CLNK: variants seen among roughly 807,000 people sequenced by gnomAD.
CLNK encodes the protein cytokine-dependent hematopoietic cell linker.
CLNK carries 74 observed loss-of-function variants against 68.6 expected under a neutral mutation model. The ratio of observed to expected loss-of-function variants is 1.08; its 90% confidence interval spans 0.89 to 1.31. The LOEUF is 1.31. Among genes scored for constraint, CLNK ranks in the 50% most tolerant of loss-of-function variants. CLNK has a pLI of 0.00. For missense variants in CLNK, 553 were observed against 515.3 expected (o/e 1.07, Z -0.71); for synonymous variants, 198 against 172.2 (o/e 1.15, Z -1.17).
At chr4:10,496,167 A>G (rs1259251718) in intron 18 of CLNK, among the ~76,000 whole-genome samples, 1 of 152,268 alleles carries the variant, frequency 6.6e-6, no homozygotes, top group East Asian at 1.9e-4. Context: ...GCATTGCTGC[A>G]TCATCTGTGT....
intron 3 of CLNK, among the ~76,000 whole-genome samples, chr4:10,586,452 T>C (rs928281020): frequency 5.3e-5 from 8 of 150,950 alleles, no homozygotes; most frequent in African/African-American, 1.7e-4. Context: ...GTAACTGGGA[T>C]TACAGGCACG....
At chr4:10,673,496 G>A (rs912965515) in intron 1 of CLNK, among the ~76,000 whole-genome samples, 1 of 152,094 alleles carries the variant, frequency 6.6e-6, no homozygotes, top group Non-Finnish European at 1.5e-5. Flanking sequence ...CCATAAAAAA[G>A]GATGAGTTCA....
chr4:10,522,677 A>G (rs553556034), intron 14 of CLNK, among the ~76,000 whole-genome samples: 1 of 152,304 alleles, frequency 6.6e-6, no homozygotes, highest in East Asian at 1.9e-4. Context: ...TGGGGAATAG[A>G]CAATAAAGAA....
At chr4:10,542,092 G>T in intron 9 of CLNK, 51 bp from the exon 10 acceptor site, 1 of 1,452,442 alleles carries the variant, frequency 6.9e-7, no homozygotes. Flanking sequence ...TGTGAGCAGG[G>T]CCAATGGCTA....
At chr4:10,577,902 G>C (rs1459933313) in intron 4 of CLNK, among the ~76,000 whole-genome samples, 3 of 152,162 alleles carry the variant, frequency 2.0e-5, no homozygotes, top group Non-Finnish European at 4.4e-5. Flanking sequence ...CAGAGCAGCT[G>C]ATCAAAGGCA....
At chr4:10,686,699 A>G (rs758863539), upstream of CLNK, among the ~76,000 whole-genome samples, 4 of 151,440 alleles carry the variant, frequency 2.6e-5, no homozygotes, top group Non-Finnish European at 5.9e-5. Context: ...GGAGAAGACT[A>G]TTCAAGGGGT....
At chr4:10,670,188 T>G (rs970441617) in intron 1 of CLNK, among the ~76,000 whole-genome samples, 50 of 152,256 alleles carry the variant, frequency 3.3e-4, no homozygotes, top group Admixed American at 6.5e-5. Context: ...ATTACTTGCA[T>G]AGCAAAGCAA....
intron 4 of CLNK, among the ~76,000 whole-genome samples, chr4:10,583,510 C>A (rs1366641355): frequency 6.6e-6 from 1 of 152,182 alleles, no homozygotes; most frequent in Admixed American, 6.5e-5. Context: ...TTGTCTCAAA[C>A]TCCTGACCTT....
intron 3 of CLNK, among the ~76,000 whole-genome samples, chr4:10,585,549 C>T (rs554921372): frequency 1.3e-4 from 20 of 152,336 alleles, no homozygotes; most frequent in Non-Finnish European, 2.4e-4. Flanking sequence ...GTGGCTGCAC[C>T]GGAGTCTCAG....
At chr4:10,579,474 G>A (rs1415008892) in intron 4 of CLNK, among the ~76,000 whole-genome samples, 1 of 152,166 alleles carries the variant, frequency 6.6e-6, no homozygotes, top group Admixed American at 6.5e-5. Context: ...TTTGGTCAAT[G>A]ATGGATCACA....
chr4:10,510,269 C>T (rs976098805), intron 16 of CLNK, among the ~76,000 whole-genome samples: 8 of 152,168 alleles, frequency 5.3e-5, no homozygotes, highest in African/African-American at 7.2e-5. Flanking sequence ...CTTTCTAGCC[C>T]CCCTGAATAA....
In CLNK at chr4:10,540,583, C is replaced by T. The variant is rs749811930; in HGVS notation, c.513G>A (p.Lys171=). The change falls in exon 11 of 19, where the codon AAG becomes AAA. Residue 171 remains lysine, a synonymous_variant. Transcript: ENST00000226951. ...PPPRPLITLP[K]KYQPLPPEPE... is the part of the protein sequence containing the mutation. ...GCTCAGGGGGCAAGGGTTGGTACTT[C>T]TTCGGAAGTGTTATGAGAGGCCTGT... 80 of 1,613,682 alleles carry T rather than the reference C, an allele frequency of 5.0e-5. No individual in the cohort carries two copies. The Admixed American group carries it at 1.0e-3, about 21-fold the overall frequency.
chr4:10,655,356 G>C (rs963064460), intron 2 of CLNK, among the ~76,000 whole-genome samples: 3 of 150,708 alleles, frequency 2.0e-5, no homozygotes, highest in African/African-American at 4.9e-5. Context: ...GAGAGAGAGA[G>C]AGAGAGAGAG....
chr4:10,643,350 T>C (rs952383838), intron 2 of CLNK, among the ~76,000 whole-genome samples: 18 of 152,128 alleles, frequency 1.2e-4, no homozygotes, highest in African/African-American at 4.3e-4. Context: ...TGAACCGGGG[T>C]TGGTGTTATA....
intron 12 of CLNK, 63 bp from the exon 13 acceptor site, chr4:10,528,157 C>G (rs768911144): frequency 6.3e-6 from 5 of 793,364 alleles, no homozygotes; most frequent in Non-Finnish European, 8.7e-6. Flanking sequence ...TAATATAACA[C>G]CATGTGTGTT....
chr4:10,717,997 CAA>C, the CLNK span, among the ~76,000 whole-genome samples: 5 of 152,066 alleles, frequency 3.3e-5, no homozygotes, highest in East Asian at 3.9e-4. Context: ...GCAAAAACAG[CAA>C]AGTCTTATAG....
At chr4:10,615,631 T>C (rs1051321696) in intron 2 of CLNK, among the ~76,000 whole-genome samples, 1 of 152,202 alleles carries the variant, frequency 6.6e-6, no homozygotes, top group Admixed American at 6.5e-5. Flanking sequence ...ACCCCAGGAC[T>C]TTTGAGGGGC....
At chr4:10,508,492 G>C (rs1717411119) in intron 16 of CLNK, among the ~76,000 whole-genome samples, 1 of 152,160 alleles carries the variant, frequency 6.6e-6, no homozygotes, top group South Asian at 2.1e-4. Flanking sequence ...GCTGAGCTAT[G>C]ATTCGGATCC....
intron 1 of CLNK, among the ~76,000 whole-genome samples, chr4:10,672,745 G>A (rs917803637): frequency 6.6e-6 from 1 of 152,160 alleles, no homozygotes; most frequent in Admixed American, 6.5e-5. Context: ...TTGTCTAAAT[G>A]TCCCAGATAT....
Sources: gnomAD v4.1 joint callset for allele counts (sites outside exome capture counted in the v4.1 genomes callset) on GRCh38, gnomAD v4.1.1 for gene constraint, MANE v1.5 for transcripts, NCBI Gene and HGNC (gene_info 2026-07-23, HGNC 2026-07-21) for gene names.